Variants in OR2L13 observed in about 807,000 individuals in gnomAD.
The protein encoded by OR2L13 is olfactory receptor 2L13.
OR2L13 carries 14 observed loss-of-function variants against 15.3 expected under a neutral mutation model. The ratio of observed to expected loss-of-function variants is 0.91; its 90% confidence interval spans 0.60 to 1.43. The LOEUF is 1.43. Ranked by LOEUF, OR2L13 falls within the 40% of genes most tolerant of loss-of-function variation. The pLI is 0.00. For missense variants in OR2L13, 367 were observed against 387.9 expected (o/e 0.95, Z 0.45); for synonymous variants, 152 against 142.9 (o/e 1.06, Z -0.45).
At chr1:247,956,910 T>G in the OR2L13 span, among the ~76,000 whole-genome samples, 1 of 152,154 alleles carries the variant, frequency 6.6e-6, no homozygotes, top group African/African-American at 2.4e-5. Context: ...TTTGACTTCC[T>G]CTTTTCCCAG....
At chr1:247,951,821 C>T in the OR2L13 span, among the ~76,000 whole-genome samples, 1 of 152,218 alleles carries the variant, frequency 6.6e-6, no homozygotes, top group African/African-American at 2.4e-5. Context: ...GCTGCCAGGG[C>T]AAGCACCTCC....
chr1:248,099,736 C>A (rs768923821), exon 3 of OR2L13: 1 of 1,614,078 alleles, frequency 6.2e-7, no homozygotes, highest in Non-Finnish European at 8.5e-7. Context: ...GGCCTACGAC[C>A]GTTATTTGGC....
the OR2L13 span, among the ~76,000 whole-genome samples, chr1:247,948,566 T>C: frequency 4.6e-5 from 7 of 152,178 alleles, no homozygotes; most frequent in African/African-American, 1.7e-4. Flanking sequence ...TACAGTACAA[T>C]AAAAGATTTT....
At chr1:247,967,452 C>T in the OR2L13 span, among the ~76,000 whole-genome samples, 1 of 152,158 alleles carries the variant, frequency 6.6e-6, no homozygotes, top group Non-Finnish European at 1.5e-5. Context: ...TGGTTTCGAA[C>T]TCCTGATCTC....
At chr1:248,083,741 G>C in the OR2L13 span, 1 of 1,613,822 alleles carries the variant, frequency 6.2e-7, no homozygotes, top group East Asian at 2.2e-5. Flanking sequence ...TGTAGATGAG[G>C]GGGTTTAGTA....
the OR2L13 span, among the ~76,000 whole-genome samples, chr1:248,071,242 A>T: frequency 1.3e-5 from 2 of 152,148 alleles, no homozygotes; most frequent in East Asian, 3.8e-4. Context: ...ATACTGGCAA[A>T]CCGAATCCAG....
chr1:248,074,170 A>G, the OR2L13 span, among the ~76,000 whole-genome samples: 1 of 152,160 alleles, frequency 6.6e-6, no homozygotes, highest in Non-Finnish European at 1.5e-5. Context: ...ACAGATATAA[A>G]GATACTTTTC....
chr1:248,077,566 T>C, the OR2L13 span, among the ~76,000 whole-genome samples: 1 of 152,230 alleles, frequency 6.6e-6, no homozygotes, highest in African/African-American at 2.4e-5. Context: ...TGGTTTAGTC[T>C]TGGTAGAGTC....
At chr1:248,047,324 C>T in the OR2L13 span, among the ~76,000 whole-genome samples, 3 of 151,316 alleles carry the variant, frequency 2.0e-5, no homozygotes, top group South Asian at 4.1e-4. Context: ...TGCTACTTCT[C>T]ACTTTGTATT....
chr1:248,013,073 A>G, the OR2L13 span, among the ~76,000 whole-genome samples: 1 of 151,912 alleles, frequency 6.6e-6, no homozygotes, highest in East Asian at 1.9e-4. Context: ...TCTAGAAGAA[A>G]GGAAACAATA....
chr1:248,069,212 G>C, the OR2L13 span, among the ~76,000 whole-genome samples: 1 of 152,106 alleles, frequency 6.6e-6, no homozygotes, highest in Non-Finnish European at 1.5e-5. Context: ...AAATGTTAAG[G>C]GCAGCCAGAG....
At chr1:248,022,339 A>C in the OR2L13 span, 2 of 1,614,018 alleles carry the variant, frequency 1.2e-6, no homozygotes, top group Non-Finnish European at 1.7e-6. Context: ...CCTCTCCACT[A>C]TCCCATCCGT....
chr1:247,951,040 A>G, the OR2L13 span, among the ~76,000 whole-genome samples: 6 of 150,246 alleles, frequency 4.0e-5, no homozygotes, highest in Non-Finnish European at 8.9e-5. Flanking sequence ...CTATAATTAC[A>G]TATTACTATT....
chr1:248,004,511 G>A, the OR2L13 span, among the ~76,000 whole-genome samples: 8 of 152,086 alleles, frequency 5.3e-5, no homozygotes, highest in Admixed American at 4.6e-4. Flanking sequence ...TTCTTATTTA[G>A]ACACTTAACG....
chr1:247,976,887 T>C, the OR2L13 span, among the ~76,000 whole-genome samples: 1 of 152,210 alleles, frequency 6.6e-6, no homozygotes, highest in Non-Finnish European at 1.5e-5. Context: ...TGGTTTTACC[T>C]TTAATGCATT....
the OR2L13 span, among the ~76,000 whole-genome samples, chr1:248,048,036 G>A: frequency 6.6e-6 from 1 of 152,244 alleles, no homozygotes; most frequent in Non-Finnish European, 1.5e-5. Flanking sequence ...TCTCTGTCCC[G>A]TGAACTTACA....
chr1:247,941,739 T>G, the OR2L13 span, among the ~76,000 whole-genome samples: 1 of 152,158 alleles, frequency 6.6e-6, no homozygotes, highest in African/African-American at 2.4e-5. Context: ...TAGAACCTAG[T>G]GATGGAGTGT....
chr1:248,019,872 G>A, the OR2L13 span, among the ~76,000 whole-genome samples: 81 of 151,720 alleles, frequency 5.3e-4, no homozygotes, highest in Admixed American at 1.9e-3. Context: ...CTGCAACCTC[G>A]GCCTCCTGGG....
chr1:248,008,911 A>G, the OR2L13 span, among the ~76,000 whole-genome samples: 1 of 152,180 alleles, frequency 6.6e-6, no homozygotes, highest in Non-Finnish European at 1.5e-5. Context: ...CTACATGGAA[A>G]CTGAACAACC....
Sources: gnomAD v4.1 joint callset for allele counts (sites outside exome capture counted in the v4.1 genomes callset) on GRCh38, gnomAD v4.1.1 for gene constraint, MANE v1.5 for transcripts, NCBI Gene and HGNC (gene_info 2026-07-23, HGNC 2026-07-21) for gene names.